Variants in DLGAP1 observed in about 807,000 individuals in gnomAD.
DLGAP1 encodes the protein disks large-associated protein 1.
In DLGAP1, 11 loss-of-function variants were observed where a neutral mutation model predicts 90.8. The observed-to-expected ratio is 0.12, with a 90% confidence interval of 0.08 to 0.20. The LOEUF (loss-of-function observed/expected upper bound fraction) is 0.20. Ranked by LOEUF, DLGAP1 falls within the 10% of genes least tolerant of loss-of-function variation. DLGAP1 has a pLI of 1.00. For synonymous variants in DLGAP1, 558 were observed against 540.7 expected, an observed-to-expected ratio of 1.03 and a Z score of -0.44; for missense variants, 1,050 against 1,333.8, an observed-to-expected ratio of 0.79 and a Z score of 3.31.
rs1040890329 is a variant in DLGAP1 at position 3,831,356 on chromosome 18, A to G, written c.958-17083T>C. Among the ~76,000 whole-genome samples, 4 of 152,120 alleles carry G rather than the reference A, an allele frequency of 2.6e-5. No homozygotes were observed. In the South Asian group the frequency reaches 8.3e-4, roughly 32 times the overall value. On this transcript the variant is annotated intron_variant, in intron 4 of 12. Transcript: ENST00000315677. ...CAATCCTTTTTTTTTTAATACTTTA[A>G]GTTCTGTGATGCATGTGCAGAACAT...
rs531632408 is a variant in DLGAP1, at chr18:3,517,247, G to C, written c.2480-8586C>G. 1.4e-4 allele frequency among the ~76,000 whole-genome samples: 22 copies of C among 152,292 alleles called. No homozygotes were observed. In the South Asian group the frequency reaches 4.6e-3, roughly 32 times the overall value. On this transcript the variant is annotated intron_variant, in intron 10 of 12. Coordinates refer to ENST00000315677, the MANE Select transcript of DLGAP1 (RefSeq NM_004746.4). The surrounding 1 kb of genome is among the most constrained non-coding windows in gnomAD (Gnocchi z 4.1). ...GCCTGAGCCCCTAACAAGAGAGTGA[G>C]CCTGTCCTTTGAAGCTATGAAAGAC... is the stretch of plus-strand genomic sequence containing the variant.
At chr18:4,069,653 T>C (rs1019384040) in intron 2 of DLGAP1, among the ~76,000 whole-genome samples, 2 of 152,174 alleles carry the variant, frequency 1.3e-5, no homozygotes, top group East Asian at 1.9e-4. Context: ...TCTGCCATGA[T>C]TGTAAGTTTC....
intron 3 of DLGAP1, among the ~76,000 whole-genome samples, chr18:4,004,810 TA>T (rs1181039423): frequency 6.6e-6 from 1 of 152,074 alleles, no homozygotes; most frequent in Non-Finnish European, 1.5e-5. Flanking sequence ...TCTGATAAAT[TA>T]TTGTGTGCAT....
chr18:4,194,400 A>T (rs2077456220), intron 1 of DLGAP1, among the ~76,000 whole-genome samples: 1 of 152,218 alleles, frequency 6.6e-6, no homozygotes, highest in Non-Finnish European at 1.5e-5. Flanking sequence ...TTATTGTCCA[A>T]TCATTAAATC....
chr18:3,788,366 TC>T (rs1039673156), intron 5 of DLGAP1, among the ~76,000 whole-genome samples: 8 of 152,098 alleles, frequency 5.3e-5, no homozygotes, highest in African/African-American at 1.9e-4. Context: ...TTTGCCTCAT[TC>T]CCCCCTGCTT....
At chr18:4,076,075 T>C (rs371268165) in intron 2 of DLGAP1, among the ~76,000 whole-genome samples, 4 of 152,294 alleles carry the variant, frequency 2.6e-5, no homozygotes, top group African/African-American at 9.6e-5. Context: ...ATACAACTCA[T>C]TGAAGTGAGG....
At chr18:3,655,189 T>G (rs1208162762) in intron 7 of DLGAP1, among the ~76,000 whole-genome samples, 1 of 152,040 alleles carries the variant, frequency 6.6e-6, no homozygotes, top group Non-Finnish European at 1.5e-5. Flanking sequence ...ACCTCTTCCA[T>G]GCAGCCTCCC....
At chr18:3,740,593 C>G (rs1280277523) in intron 6 of DLGAP1, among the ~76,000 whole-genome samples, 1 of 152,068 alleles carries the variant, frequency 6.6e-6, no homozygotes, top group Non-Finnish European at 1.5e-5. Flanking sequence ...AGAGCAGTGT[C>G]CCTATTTCAG....
At chr18:3,697,958 T>C (rs1020331708) in intron 7 of DLGAP1, among the ~76,000 whole-genome samples, 1 of 152,220 alleles carries the variant, frequency 6.6e-6, no homozygotes, top group African/African-American at 2.4e-5. Flanking sequence ...TAGTCTTTTT[T>C]GATCTTTATT....
intron 1 of DLGAP1, among the ~76,000 whole-genome samples, chr18:4,354,108 C>T (rs1386021627): frequency 6.6e-6 from 1 of 152,210 alleles, no homozygotes; most frequent in Non-Finnish European, 1.5e-5. Flanking sequence ...TTACTTTGAA[C>T]TGCAGGACCC....
chr18:3,895,280 TACAC>T (rs35493688), intron 3 of DLGAP1, among the ~76,000 whole-genome samples: 2,108 of 137,338 alleles, frequency 0.015, 22 homozygotes, highest in Middle Eastern at 0.03. Flanking sequence ...GGATGTTTAT[TACAC>T]ACACACACAC....
intron 7 of DLGAP1, among the ~76,000 whole-genome samples, chr18:3,650,790 C>G (rs549852788): frequency 2.6e-4 from 39 of 152,340 alleles, no homozygotes; most frequent in African/African-American, 9.1e-4. Flanking sequence ...TGAAACTGGC[C>G]AGGCATGGCT....
At chr18:4,057,915 G>A (rs1244133719) in intron 2 of DLGAP1, among the ~76,000 whole-genome samples, 2 of 152,044 alleles carry the variant, frequency 1.3e-5, no homozygotes, top group Non-Finnish European at 2.9e-5. Context: ...CAACTAGTAG[G>A]GATGATTCCT....
intron 7 of DLGAP1, among the ~76,000 whole-genome samples, chr18:3,628,452 T>G (rs2058395973): frequency 6.6e-6 from 1 of 152,046 alleles, no homozygotes; most frequent in South Asian, 2.1e-4. Flanking sequence ...CCTCCCAGAG[T>G]GCTGGGATTA....
chr18:4,311,944 G>T (rs961493236), intron 1 of DLGAP1, among the ~76,000 whole-genome samples: 5 of 152,188 alleles, frequency 3.3e-5, no homozygotes, highest in Non-Finnish European at 7.3e-5. Context: ...TCGAACTCCT[G>T]ACCTCAAGTG....
At chr18:4,405,615 G>A (rs1012698474) in intron 1 of DLGAP1, among the ~76,000 whole-genome samples, 5 of 151,828 alleles carry the variant, frequency 3.3e-5, no homozygotes, top group Admixed American at 6.6e-5. Context: ...GACACAATAC[G>A]TCCCTATTGT....
intron 9 of DLGAP1, among the ~76,000 whole-genome samples, chr18:3,544,508 GC>G (rs1249571614): frequency 2.6e-5 from 4 of 152,006 alleles, no homozygotes; most frequent in Non-Finnish European, 5.9e-5. Context: ...TAACCCATGG[GC>G]TACTTAGAAG....
intron 2 of DLGAP1, among the ~76,000 whole-genome samples, chr18:4,093,787 T>G (rs2075627555): frequency 6.6e-6 from 1 of 152,122 alleles, no homozygotes; most frequent in Non-Finnish European, 1.5e-5. Context: ...TTTTTTCCTG[T>G]TTTTATCTCT....
intron 2 of DLGAP1, among the ~76,000 whole-genome samples, chr18:4,142,018 T>A (rs1459073389): frequency 1.3e-5 from 2 of 152,142 alleles, no homozygotes. Context: ...TCCTGGATGG[T>A]CTTGATGTTT....
Sources: gnomAD v4.1 joint callset for allele counts (sites outside exome capture counted in the v4.1 genomes callset) on GRCh38, gnomAD v4.1.1 for gene constraint, Gnocchi (gnomAD v3.1) non-coding constraint, MANE v1.5 for transcripts, NCBI Gene and HGNC (gene_info 2026-07-23, HGNC 2026-07-21) for gene names.